The following GRXCR2 variants were observed in gnomAD, a reference collection of about 807,000 sequenced individuals.
GRXCR2 encodes the protein glutaredoxin and cysteine rich domain containing 2.
In GRXCR2, 23 loss-of-function variants were observed where a neutral mutation model predicts 24.8. That is an observed-to-expected ratio of 0.93 (90% CI 0.67 to 1.32). GRXCR2 has a LOEUF of 1.32. GRXCR2 is among the 40% of genes most tolerant of loss of function. GRXCR2 has a pLI of 0.00. For synonymous variants in GRXCR2, 130 were observed against 116.1 expected (o/e 1.12, Z -0.77); for missense variants, 315 against 303.4 (o/e 1.04, Z -0.28).
chr5:145,874,655 G>A (rs1756585712), upstream of GRXCR2, among the ~76,000 whole-genome samples: 1 of 152,214 alleles, frequency 6.6e-6, no homozygotes, highest in African/African-American at 2.4e-5. Flanking sequence ...ATTGATGTGA[G>A]AGCAATAGTC....
chr5:145,885,121 G>A (rs928781702), intron 2 of GRXCR2, among the ~76,000 whole-genome samples: 6 of 128,570 alleles, frequency 4.7e-5, no homozygotes, highest in Admixed American at 8.6e-5. Flanking sequence ...GTGTGTGTGT[G>A]TCTGTCTGTC....
At chr5:145,865,202 AC>A (rs1397213618) in intron 2 of GRXCR2, among the ~76,000 whole-genome samples, 6 of 152,220 alleles carry the variant, frequency 3.9e-5, no homozygotes, top group Non-Finnish European at 7.3e-5. Context: ...CCAGGAGATT[AC>A]AGTGAATCCC....
In GRXCR2 at chr5:145,859,896, T is replaced by A. The variant is rs1236882122; in HGVS notation, c.584A>T (p.Asp195Val). Residue 195 changes from aspartate to valine, a missense_variant, in exon 3 of 3, where the codon GAC becomes GTC. Asp to Val is a radical substitution (Grantham distance 152, BLOSUM62 -3). Coordinates refer to ENST00000377976, the MANE Select transcript of GRXCR2 (RefSeq NM_001080516.2). ...RYTQEGDIPE[D>V]SCFHCRGSGS... ...CGACCCTCGGCAGTGAAAACAGCTG[T>A]CCTCGGGAATATCCCCTTCCTGCAA... is the stretch of plus-strand genomic sequence containing the variant. 6.3e-7 allele frequency: 1 copy of A among 1,587,510 alleles called. No homozygotes were observed. The highest frequency in any genetic ancestry group is 8.6e-7 in the Non-Finnish European group (1 of 1,166,484).
chr5:145,895,528 A>C (rs1168450774), intron 2 of GRXCR2, among the ~76,000 whole-genome samples: 1 of 152,154 alleles, frequency 6.6e-6, no homozygotes, highest in Non-Finnish European at 1.5e-5. Flanking sequence ...ACTCCCATTT[A>C]CTATTGCTTC....
intron 2 of GRXCR2, among the ~76,000 whole-genome samples, chr5:145,866,267 A>G (rs1291138765): frequency 1.3e-5 from 2 of 152,262 alleles, no homozygotes; most frequent in African/African-American, 2.4e-5. Context: ...TCTAAAAAGA[A>G]GTCAGCCAAA....
intron 2 of GRXCR2, among the ~76,000 whole-genome samples, chr5:145,863,958 A>G (rs1015927300): frequency 6.6e-6 from 1 of 152,228 alleles, no homozygotes; most frequent in African/African-American, 2.4e-5. Context: ...TACTGGAACT[A>G]CAATGTTGCA....
At chr5:145,912,104 G>C (rs1031542319) in intron 2 of GRXCR2, among the ~76,000 whole-genome samples, 4 of 152,162 alleles carry the variant, frequency 2.6e-5, no homozygotes, top group African/African-American at 9.7e-5. Context: ...CTCAAAAATA[G>C]GGTGTCACCT....
At position 145,859,732 on chromosome 5, in the gene GRXCR2, G is replaced by A. The variant is rs376485351; in HGVS notation, c.*1C>T. 2 of 1,613,874 alleles carry A rather than the reference G, an allele frequency of 1.2e-6. No individual in the cohort carries two copies. The highest frequency in any genetic ancestry group is 2.7e-5 in the African/African-American group (2 of 74,914). On this transcript the variant is annotated 3_prime_UTR_variant, in exon 3 of 3. Coordinates refer to ENST00000377976, the MANE Select transcript of GRXCR2 (RefSeq NM_001080516.2). ...AACAGTGGACATGCAAAAGCCACGGGCTATTGATTGCAAATCTGGCAAGGC... is the reference window on the plus strand; with the variant it reads ...AACAGTGGACATGCAAAAGCCACGGACTATTGATTGCAAATCTGGCAAGGC...
chr5:145,880,896 ATCC>A (rs1249148328), intron 2 of GRXCR2, among the ~76,000 whole-genome samples: 2 of 152,230 alleles, frequency 1.3e-5, no homozygotes. Flanking sequence ...AATAAATGTA[ATCC>A]ATCACATAAA....
rs1554107328 is a variant in GRXCR2, at chr5:145,929,198, C to CATATATATATATAT, written c.-70+6502_-70+6503insATATATATATATAT. On this transcript the variant is annotated intron_variant, in intron 2 of 3. Transcript: ENST00000639411. ...TTTTAATAGTTGTATAATATTCCCC[C>CATATATATATATAT]CTATATATATATATATATATATATA... is the stretch of plus-strand genomic sequence containing the variant. Among the ~76,000 whole-genome samples, 312 of 88,346 alleles carry CATATATATATATAT rather than the reference C, an allele frequency of 3.5e-3. 18 individuals carry two copies. Among genetic ancestry groups the CATATATATATATAT allele is most frequent in the South Asian group, 0.015 (36 of 2,478 alleles). The allele number at this position is 88,346 out of a possible 152,430, so 58.0% of individuals were successfully genotyped here.
chr5:145,891,969 G>A (rs1444950927), intron 2 of GRXCR2, among the ~76,000 whole-genome samples: 2 of 152,130 alleles, frequency 1.3e-5, no homozygotes, highest in African/African-American at 4.8e-5. Flanking sequence ...AACATTTGCT[G>A]TTCACCAATA....
At chr5:145,899,852 G>T (rs1252338389) in intron 2 of GRXCR2, among the ~76,000 whole-genome samples, 1 of 152,068 alleles carries the variant, frequency 6.6e-6, no homozygotes, top group African/African-American at 2.4e-5. Context: ...CCTTGGGAAA[G>T]AATTTATGAC....
chr5:145,861,601 C>T (rs2195929), intron 2 of GRXCR2, among the ~76,000 whole-genome samples: 39,235 of 152,032 alleles, frequency 0.26, 5,312 homozygotes, highest in East Asian at 0.43. Context: ...GTTGATTAGA[C>T]AGGGAGCTCT....
intron 2 of GRXCR2, among the ~76,000 whole-genome samples, chr5:145,906,419 T>C (rs1343909057): frequency 6.6e-6 from 1 of 152,026 alleles, no homozygotes; most frequent in East Asian, 1.9e-4. Flanking sequence ...TGTCTGAAGT[T>C]GATGGGGACA....
intron 2 of GRXCR2, among the ~76,000 whole-genome samples, chr5:145,893,490 C>A (rs1384841255): frequency 6.6e-6 from 1 of 152,156 alleles, no homozygotes; most frequent in Non-Finnish European, 1.5e-5. Flanking sequence ...ATCCTAGTCT[C>A]TGATGAAACA....
chr5:145,929,199 C>CTATA (rs72283862), intron 2 of GRXCR2, among the ~76,000 whole-genome samples: 9,864 of 116,350 alleles, frequency 0.085, 842 homozygotes, highest in Admixed American at 0.21. Flanking sequence ...ATATTCCCCC[C>CTATA]TATATATATA....
intron 2 of GRXCR2, 109 bp from the exon 3 acceptor site, chr5:145,860,024 A>G: frequency 1.2e-6 from 1 of 831,174 alleles, no homozygotes; most frequent in Non-Finnish European, 1.8e-6. Context: ...GAATAGAGGA[A>G]AATGCTTCCC....
intron 2 of GRXCR2, among the ~76,000 whole-genome samples, chr5:145,903,903 AT>A (rs939882497): frequency 6.6e-6 from 1 of 152,212 alleles, no homozygotes; most frequent in Non-Finnish European, 1.5e-5. Context: ...CTTTTGAATT[AT>A]CTAAAGAGCC....
chr5:145,931,134 T>C (rs1472340476), intron 2 of GRXCR2, among the ~76,000 whole-genome samples: 1 of 152,146 alleles, frequency 6.6e-6, no homozygotes, highest in Non-Finnish European at 1.5e-5. Flanking sequence ...TGGGCTCAAG[T>C]GATCCTCCCA....
Sources: allele counts gnomAD v4.1 joint callset (sites outside exome capture counted in the v4.1 genomes callset), GRCh38; gene constraint gnomAD v4.1.1; transcripts MANE v1.5; gene names NCBI Gene and HGNC (gene_info 2026-07-23, HGNC 2026-07-21).